RANBP2: variants seen among roughly 807,000 people sequenced by gnomAD.
The protein encoded by RANBP2 is E3 SUMO-protein ligase RanBP2.
RANBP2 carries 57 observed loss-of-function variants against 303.6 expected under a neutral mutation model. The ratio of observed to expected loss-of-function variants is 0.19; its 90% CI spans 0.15 to 0.23. RANBP2 has a LOEUF of 0.23. Among genes scored for constraint, RANBP2 ranks in the 10% least tolerant of loss-of-function variants. RANBP2 has a pLI of 1.00. For missense variants in RANBP2, 3,138 were observed against 3,780.8 expected, an observed-to-expected ratio of 0.83 and a Z score of 4.46; for synonymous variants, 1,167 against 1,301.5, an observed-to-expected ratio of 0.90 and a Z score of 2.23.
At chr2:109,603,330 G>A in the RANBP2 span, among the ~76,000 whole-genome samples, 1 of 151,978 alleles carries the variant, frequency 6.6e-6, no homozygotes, top group Non-Finnish European at 1.5e-5. Flanking sequence ...CACCTCCTGG[G>A]TTCACGCCAT....
At chr2:108,969,686 C>A in the RANBP2 span, among the ~76,000 whole-genome samples, 3 of 152,204 alleles carry the variant, frequency 2.0e-5, no homozygotes, top group Admixed American at 6.5e-5. Flanking sequence ...TTACTAAAGG[C>A]ACAGCACCAT....
chr2:109,031,622 AC>A, the RANBP2 span, among the ~76,000 whole-genome samples: 1 of 151,852 alleles, frequency 6.6e-6, no homozygotes, highest in African/African-American at 2.4e-5. Context: ...TGCTGTGTGC[AC>A]CCCCTGCAGC....
At chr2:108,943,593 C>T in the RANBP2 span, among the ~76,000 whole-genome samples, 13 of 152,138 alleles carry the variant, frequency 8.5e-5, no homozygotes, top group East Asian at 7.7e-4. Flanking sequence ...GCAGTCACCA[C>T]GGGCTTGGGA....
At chr2:109,263,047 TATTG>T in the RANBP2 span, among the ~76,000 whole-genome samples, 3 of 152,072 alleles carry the variant, frequency 2.0e-5, no homozygotes, top group Non-Finnish European at 2.9e-5. Context: ...GGTTTCACCA[TATTG>T]GCCAGGCTGG....
chr2:109,123,144 G>A, the RANBP2 span, among the ~76,000 whole-genome samples: 5 of 152,160 alleles, frequency 3.3e-5, no homozygotes, highest in Admixed American at 6.5e-5. Context: ...GTGAATGCGT[G>A]TGGCCATCCT....
chr2:109,147,556 A>G, the RANBP2 span, among the ~76,000 whole-genome samples: 1 of 152,214 alleles, frequency 6.6e-6, no homozygotes, highest in Admixed American at 6.5e-5. Context: ...TAGTACCGTA[A>G]ATGGTCCAAA....
the RANBP2 span, among the ~76,000 whole-genome samples, chr2:109,730,562 C>T: frequency 2.6e-5 from 4 of 152,142 alleles, no homozygotes; most frequent in African/African-American, 7.2e-5. Context: ...AGTTTGGGGA[C>T]TGCCTTAGTT....
At chr2:109,471,481 A>G in the RANBP2 span, among the ~76,000 whole-genome samples, 2 of 152,200 alleles carry the variant, frequency 1.3e-5, no homozygotes, top group Admixed American at 6.5e-5. Flanking sequence ...CCCGTGATCT[A>G]GTCCCCTCCC....
chr2:108,909,797 A>C, the RANBP2 span, among the ~76,000 whole-genome samples: 1 of 152,198 alleles, frequency 6.6e-6, no homozygotes, highest in East Asian at 1.9e-4. Context: ...AACGCGGGAA[A>C]GGCTTCACCT....
chr2:108,898,646 A>G, the RANBP2 span, among the ~76,000 whole-genome samples: 1 of 152,262 alleles, frequency 6.6e-6, no homozygotes. Context: ...TAATCTGAAA[A>G]AGGTTTTAAA....
chr2:109,126,801 C>G, the RANBP2 span, among the ~76,000 whole-genome samples: 14 of 152,288 alleles, frequency 9.2e-5, no homozygotes, highest in Non-Finnish European at 1.5e-4. Flanking sequence ...TTAAAATTTA[C>G]CTAGAGTTGG....
chr2:109,520,476 T>C, the RANBP2 span, among the ~76,000 whole-genome samples: 1 of 151,638 alleles, frequency 6.6e-6, no homozygotes. Flanking sequence ...GGCACATGCC[T>C]GTAATCCCAG....
At chr2:109,139,802 G>A in the RANBP2 span, among the ~76,000 whole-genome samples, 27 of 152,342 alleles carry the variant, frequency 1.8e-4, no homozygotes. Flanking sequence ...CAGTTTTTGA[G>A]CTTTTCAATC....
chr2:109,518,915 C>CTTTTTTTTTTTTTT, the RANBP2 span, among the ~76,000 whole-genome samples: 109 of 110,984 alleles, frequency 9.8e-4, 5 homozygotes, highest in African/African-American at 4.0e-3. Context: ...TGCTACATAT[C>CTTTTTTTTTTTTTT]TTTTTTTTTT....
the RANBP2 span, among the ~76,000 whole-genome samples, chr2:108,937,743 G>A: frequency 1.3e-5 from 2 of 152,014 alleles, no homozygotes; most frequent in African/African-American, 4.8e-5. Context: ...GTGTATGAGT[G>A]TATGCATATG....
At chr2:108,889,728 C>T in the RANBP2 span, among the ~76,000 whole-genome samples, 5 of 152,070 alleles carry the variant, frequency 3.3e-5, no homozygotes, top group African/African-American at 9.7e-5. Flanking sequence ...GATCATGTTT[C>T]TTAATCCATT....
intron 7 of RANBP2, among the ~76,000 whole-genome samples, chr2:108,741,783 A>C (rs1471136648): frequency 7.4e-6 from 1 of 134,612 alleles, no homozygotes; most frequent in Non-Finnish European, 1.6e-5. Context: ...AAGTGCTGGG[A>C]TTACAGGCGT....
chr2:109,192,026 C>T, the RANBP2 span, among the ~76,000 whole-genome samples: 2 of 152,106 alleles, frequency 1.3e-5, no homozygotes, highest in Admixed American at 6.5e-5. Context: ...GTCATTTTGG[C>T]GAACACAATT....
At chr2:109,726,224 C>T in the RANBP2 span, among the ~76,000 whole-genome samples, 1 of 151,796 alleles carries the variant, frequency 6.6e-6, no homozygotes, top group Non-Finnish European at 1.5e-5. Flanking sequence ...GCCCGGCCAA[C>T]ATAGCAAAAC....
Sources: gnomAD v4.1 joint callset for allele counts (sites outside exome capture counted in the v4.1 genomes callset) on GRCh38, gnomAD v4.1.1 for gene constraint, MANE v1.5 for transcripts, NCBI Gene and HGNC (gene_info 2026-07-23, HGNC 2026-07-21) for gene names.